Variants in CYP20A1 observed in about 807,000 individuals in gnomAD.
CYP20A1 encodes the protein cytochrome P450 20A1.
Under a neutral mutation model 61.4 loss-of-function variants are expected in CYP20A1, and 61 were observed. The observed-to-expected ratio is 0.99, with a 90% CI of 0.81 to 1.23. The LOEUF is 1.23. Among genes scored for constraint, CYP20A1 ranks in the 50% most tolerant of loss-of-function variants. The pLI is 0.00. For synonymous variants in CYP20A1, 193 were observed against 188.2 expected, an observed-to-expected ratio of 1.03 and a Z score of -0.21; for missense variants, 530 against 542.4, an observed-to-expected ratio of 0.98 and a Z score of 0.23.
intron 4 of CYP20A1, among the ~76,000 whole-genome samples, chr2:203,264,864 G>C (rs546264779): frequency 6.6e-6 from 1 of 152,016 alleles, no homozygotes; most frequent in Non-Finnish European, 1.5e-5. Context: ...CAAGTAGCTG[G>C]GACTACAGAT....
rs2069027285 is a variant in CYP20A1, at chr2:203,301,678, A to G, written c.*4770A>G. Among the ~76,000 whole-genome samples, 1 of 152,266 alleles carries G rather than the reference A, an allele frequency of 6.6e-6. No individual in the cohort carries two copies. Among genetic ancestry groups the G allele is most frequent in the Non-Finnish European group, 1.5e-5 (1 of 68,016 alleles). On this transcript the variant is annotated 3_prime_UTR_variant, in exon 13 of 13. Coordinates refer to ENST00000356079, the MANE Select transcript of CYP20A1 (RefSeq NM_177538.3). ...GTTTGGGAAAATTAAAAAAACTTAC[A>G]TAGTGCTTATTTGGCCCACAAAAGT... is the stretch of plus-strand genomic sequence containing the variant.
chr2:203,287,830 A>G (rs1032910142), intron 9 of CYP20A1, among the ~76,000 whole-genome samples: 15 of 152,070 alleles, frequency 9.9e-5, no homozygotes, highest in Admixed American at 3.3e-4. Flanking sequence ...CTTTCAGTTT[A>G]GCTCTACTCA....
chr2:203,264,174 T>C (rs970499033), intron 4 of CYP20A1, among the ~76,000 whole-genome samples: 3 of 151,916 alleles, frequency 2.0e-5, no homozygotes, highest in Admixed American at 6.6e-5. Context: ...TTTTGTAGAG[T>C]TGAGGTATCA....
At chr2:203,289,300 G>A (rs1456800606) in intron 9 of CYP20A1, among the ~76,000 whole-genome samples, 1 of 152,086 alleles carries the variant, frequency 6.6e-6, no homozygotes, top group East Asian at 1.9e-4. Flanking sequence ...TACTTTTAAA[G>A]AGGTTTTATA....
rs981804506 is a variant in CYP20A1, at chr2:203,300,509, A to T, written c.*3601A>T. On this transcript the variant is annotated 3_prime_UTR_variant, in exon 13 of 13. Transcript: ENST00000356079. ...GTTTTTAATTGATATTGAAGTAAGT[A>T]AGTTTTGTAGCTTTTGGAGTTTTTA... Among the ~76,000 whole-genome samples the T allele has an allele frequency of 2.0e-5, 3 of 152,214 alleles. No individual in the cohort carries two copies.
chr2:203,269,916 A>C (rs2067494765), intron 5 of CYP20A1, among the ~76,000 whole-genome samples: 1 of 152,214 alleles, frequency 6.6e-6, no homozygotes, highest in Admixed American at 6.5e-5. Context: ...GGCGTGAGCC[A>C]CCATGCCCAT....
At position 203,304,001 on chromosome 2, in the gene CYP20A1, C is replaced by T. The variant is rs536855558; in HGVS notation, c.*7093C>T. ...TTGGGAGTCCAAAGTGGGCGTATAACTTGAGGTCAGGAGTTCAAGAACAGC... is the reference window on the plus strand; with the variant it reads ...TTGGGAGTCCAAAGTGGGCGTATAATTTGAGGTCAGGAGTTCAAGAACAGC... On this transcript the variant is annotated 3_prime_UTR_variant, in exon 13 of 13. Coordinates refer to ENST00000356079, the MANE Select transcript of CYP20A1 (RefSeq NM_177538.3). Among the ~76,000 whole-genome samples the T allele has an allele frequency of 6.6e-6, 1 of 151,948 alleles. No homozygotes were observed. Among genetic ancestry groups the T allele is most frequent in the African/African-American group, 2.4e-5 (1 of 41,480 alleles).
Position 203,299,017 on chromosome 2 carries a change from A to G in CYP20A1, c.*2109A>G, listed in dbSNP as rs1371270739. ...GCTAGTGCACTCCAGCCTGGGCGAC[A>G]GGGCTGAGACCTTGTCTCAAAAAAA... is the stretch of plus-strand genomic sequence containing the variant. On this transcript the variant is annotated 3_prime_UTR_variant, in exon 13 of 13. Transcript: ENST00000356079. Among the ~76,000 whole-genome samples, 2 of 152,140 alleles carry G rather than the reference A, an allele frequency of 1.3e-5. No individual in the cohort carries two copies. Among genetic ancestry groups the G allele is most frequent in the Admixed American group, 1.3e-4 (2 of 15,244 alleles).
At chr2:203,251,362 A>G (rs1273070959) in intron 3 of CYP20A1, among the ~76,000 whole-genome samples, 1 of 151,884 alleles carries the variant, frequency 6.6e-6, no homozygotes, top group Non-Finnish European at 1.5e-5. Flanking sequence ...ATTTGAAGAC[A>G]TTATAGTTAT....
At chr2:203,295,362 ACTGTGTCCAGC>A (rs2068746542) in intron 11 of CYP20A1, among the ~76,000 whole-genome samples, 2 of 152,144 alleles carry the variant, frequency 1.3e-5, no homozygotes, top group African/African-American at 4.8e-5. Context: ...GGCGTGAGCC[ACTGTGTCCAGC>A]CTCTCTCACC....
At chr2:203,255,485 CAG>C (rs1345953758) in intron 4 of CYP20A1, among the ~76,000 whole-genome samples, 4 of 152,230 alleles carry the variant, frequency 2.6e-5, no homozygotes, top group African/African-American at 9.6e-5. Context: ...TTTAAAAAGT[CAG>C]AGCCTATACT....
chr2:203,269,328 G>T (rs924444823), intron 5 of CYP20A1, among the ~76,000 whole-genome samples: 11 of 142,054 alleles, frequency 7.7e-5, no homozygotes, highest in African/African-American at 2.9e-4. Context: ...TGGCATGCAC[G>T]CCTGTAGTCC....
rs1030289106 is a variant in CYP20A1, at chr2:203,303,626, C to T, written c.*6718C>T. 4.0e-5 allele frequency among the ~76,000 whole-genome samples: 6 copies of T among 151,500 alleles called. No individual in the cohort carries two copies. Among genetic ancestry groups the T allele is most frequent in the African/African-American group, 9.7e-5 (4 of 41,242 alleles). On this transcript the variant is annotated 3_prime_UTR_variant, in exon 13 of 13. Transcript: ENST00000356079. ...AGGAGAATCGCTTGAACCCAAGAGT[C>T]GGAGGTTGCAGTGAGCCGAGATCGC...
chr2:203,245,454 G>GTAATT (rs1381617339), intron 1 of CYP20A1, among the ~76,000 whole-genome samples: 1 of 151,510 alleles, frequency 6.6e-6, no homozygotes, highest in Non-Finnish European at 1.5e-5. Context: ...CATCACCCAG[G>GTAATT]TAATTATTAA....
Position 203,301,914 on chromosome 2 carries a change from C to CTTTTTTTTT in CYP20A1, c.*5020_*5028dup, listed in dbSNP as rs763764173. On this transcript the variant is annotated 3_prime_UTR_variant, in exon 13 of 13. Transcript: ENST00000356079. ...TTTGAAGTTAACCACTGTTAAGATT[C>CTTTTTTTTT]TTTTTTTTTTTTTTTTTTTTTTGTT... 1.8e-3 allele frequency among the ~76,000 whole-genome samples: 191 copies of CTTTTTTTTT among 103,566 alleles called. 1 individual carries two copies. The highest frequency in any genetic ancestry group is 3.7e-3 in the South Asian group (10 of 2,712). The allele number at this position is 103,566 out of a possible 152,430, so 67.9% of individuals were successfully genotyped here.
At chr2:203,246,973 T>C (rs1385394868) in intron 3 of CYP20A1, 52 bp downstream of exon 3, 1 of 1,576,728 alleles carries the variant, frequency 6.3e-7, no homozygotes, top group African/African-American at 1.4e-5. Context: ...TAAGAATGAA[T>C]GTTTAGGCTG....
intron 9 of CYP20A1, among the ~76,000 whole-genome samples, chr2:203,288,247 G>A: frequency 6.6e-6 from 1 of 151,042 alleles, no homozygotes; most frequent in African/African-American, 2.4e-5. Flanking sequence ...TGTATTTTTA[G>A]TAGACACAGG....
chr2:203,259,772 A>C (rs1378022841), intron 4 of CYP20A1: 1 of 150,976 alleles, frequency 6.6e-6, no homozygotes, highest in East Asian at 2.0e-4. Context: ...AGTCCCAGCT[A>C]CTTGGGAGGC....
At position 203,301,914 on chromosome 2, in the gene CYP20A1, C is replaced by CTTTTTTTTTT. The variant is rs763764173; in HGVS notation, c.*5019_*5028dup. ...TTTGAAGTTAACCACTGTTAAGATT[C>CTTTTTTTTTT]TTTTTTTTTTTTTTTTTTTTTTGTT... On this transcript the variant is annotated 3_prime_UTR_variant, in exon 13 of 13. Coordinates refer to ENST00000356079, the MANE Select transcript of CYP20A1 (RefSeq NM_177538.3). Among the ~76,000 whole-genome samples, 31 of 103,568 alleles carry CTTTTTTTTTT rather than the reference C, an allele frequency of 3.0e-4. No homozygotes were observed. Among genetic ancestry groups the CTTTTTTTTTT allele is most frequent in the Admixed American group, 5.0e-4 (4 of 7,926 alleles). 67.9% of individuals were successfully genotyped at this position (103,568 alleles called of 152,430 possible). A position where few individuals can be genotyped will look rare whatever the true frequency, so the allele number is the denominator to read the frequency against.
Sources: allele counts gnomAD v4.1 joint callset (sites outside exome capture counted in the v4.1 genomes callset), GRCh38; gene constraint gnomAD v4.1.1; transcripts MANE v1.5; gene names NCBI Gene and HGNC (gene_info 2026-07-23, HGNC 2026-07-21).